Variants in ATP9B observed in about 807,000 individuals in gnomAD.
ATP9B encodes the protein probable phospholipid-transporting ATPase IIB.
Under a neutral mutation model 146.1 loss-of-function variants are expected in ATP9B, and 110 were observed. The ratio of observed to expected loss-of-function variants is 0.75; its 90% CI spans 0.65 to 0.88. The LOEUF (loss-of-function observed/expected upper bound fraction) is 0.88, where lower values mean the gene tolerates loss of function less well. Ranked by LOEUF, ATP9B falls within the 40% of genes least tolerant of loss-of-function variation. ATP9B has a pLI of 0.00. For missense variants in ATP9B, 1,499 were observed against 1,496.4 expected, an observed-to-expected ratio of 1.00 and a Z score of -0.03; for synonymous variants, 604 against 569.7, an observed-to-expected ratio of 1.06 and a Z score of -0.86.
intron 17 of ATP9B, among the ~76,000 whole-genome samples, chr18:79,333,318 A>G (rs1477853736): frequency 3.9e-5 from 6 of 152,302 alleles, no homozygotes; most frequent in Admixed American, 3.3e-4. Context: ...TCTCCACTGC[A>G]TGTCCACCCC....
chr18:79,207,077 G>A, intron 10 of ATP9B, 65 bp downstream of exon 10: 3 of 1,493,430 alleles, frequency 2.0e-6, no homozygotes, highest in Non-Finnish European at 2.8e-6. Flanking sequence ...TTTTGTCCAG[G>A]GACTCCAAAC....
chr18:79,311,429 CTGATA>C (rs1041167935), intron 15 of ATP9B, among the ~76,000 whole-genome samples: 8 of 152,134 alleles, frequency 5.3e-5, no homozygotes, highest in African/African-American at 1.9e-4. Flanking sequence ...TAAACATCCC[CTGATA>C]CGGTGACCTC....
intron 5 of ATP9B, among the ~76,000 whole-genome samples, chr18:79,132,181 A>T (rs1321747787): frequency 6.6e-6 from 1 of 152,218 alleles, no homozygotes; most frequent in Non-Finnish European, 1.5e-5. Flanking sequence ...TACTTCTGTG[A>T]TACTTGAACT....
intron 5 of ATP9B, among the ~76,000 whole-genome samples, chr18:79,131,864 T>C (rs2094383147): frequency 6.6e-6 from 1 of 152,192 alleles, no homozygotes; most frequent in African/African-American, 2.4e-5. Context: ...ATGAAAAAGG[T>C]CCCATATTGT....
chr18:79,201,480 C>T (rs1233804048), intron 9 of ATP9B, among the ~76,000 whole-genome samples: 1 of 152,326 alleles, frequency 6.6e-6, no homozygotes, highest in African/African-American at 2.4e-5. Context: ...GGCATGGTGG[C>T]TCATGCTTGT....
At chr18:79,256,718 A>C (rs776470518) in intron 12 of ATP9B, among the ~76,000 whole-genome samples, 2 of 151,932 alleles carry the variant, frequency 1.3e-5, no homozygotes, top group Non-Finnish European at 2.9e-5. Flanking sequence ...TCCCTCTCCC[A>C]TCCACTTACA....
chr18:79,204,744 C>T (rs2095519002), intron 9 of ATP9B, among the ~76,000 whole-genome samples: 1 of 152,146 alleles, frequency 6.6e-6, no homozygotes, highest in South Asian at 2.1e-4. Flanking sequence ...TTGTTTCCAT[C>T]CAGGCTGTGT....
intron 13 of ATP9B, among the ~76,000 whole-genome samples, chr18:79,287,454 C>T (rs1428054295): frequency 5.9e-5 from 9 of 152,096 alleles, no homozygotes; most frequent in Admixed American, 1.3e-4. Flanking sequence ...TCTGTGAGAT[C>T]GGTGGTGATA....
At chr18:79,262,510 T>G (rs1444843315) in intron 12 of ATP9B, among the ~76,000 whole-genome samples, 1 of 152,192 alleles carries the variant, frequency 6.6e-6, no homozygotes, top group Non-Finnish European at 1.5e-5. Flanking sequence ...TAATTTTGGC[T>G]AAAGAGCCCC....
At chr18:79,109,011 C>A (rs755625343) in intron 2 of ATP9B, among the ~76,000 whole-genome samples, 11 of 152,196 alleles carry the variant, frequency 7.2e-5, no homozygotes, top group Non-Finnish European at 1.6e-4. Context: ...TGGGAGACAG[C>A]AATTCTGAGA....
chr18:79,346,378 G>A (rs544694162), intron 23 of ATP9B, among the ~76,000 whole-genome samples: 1 of 149,796 alleles, frequency 6.7e-6, no homozygotes, highest in African/African-American at 2.5e-5. Flanking sequence ...AGCACACTTG[G>A]TACACTTGTT....
At chr18:79,372,673 G>GC (rs756079797) in intron 26 of ATP9B, 152 bp from the exon 27 acceptor site, 1 of 697,878 alleles carries the variant, frequency 1.4e-6, no homozygotes, top group South Asian at 1.5e-5. Context: ...AGGAAAAGGC[G>GC]CCCGAAATGC....
intron 6 of ATP9B, among the ~76,000 whole-genome samples, chr18:79,150,559 G>T (rs911691662): frequency 6.6e-6 from 1 of 152,120 alleles, no homozygotes; most frequent in Admixed American, 6.5e-5. Flanking sequence ...CTCTTGTGGT[G>T]CCCCTAGTTT....
chr18:79,272,667 C>T (rs192168353), intron 12 of ATP9B, among the ~76,000 whole-genome samples: 1 of 152,292 alleles, frequency 6.6e-6, no homozygotes, highest in East Asian at 1.9e-4. Context: ...TCTCCCTGAG[C>T]CCTCTCCACT....
intron 21 of ATP9B, 139 bp downstream of exon 21, chr18:79,344,493 T>TCTGAGGC (rs2096875536): frequency 2.5e-6 from 2 of 799,620 alleles, no homozygotes; most frequent in Non-Finnish European, 4.3e-6. Context: ...TGTCTGTGTC[T>TCTGAGGC]CTGAGGCAAG....
At chr18:79,106,245 GCTC>G (rs2075641777) in intron 2 of ATP9B, among the ~76,000 whole-genome samples, 1 of 152,188 alleles carries the variant, frequency 6.6e-6, no homozygotes, top group Non-Finnish European at 1.5e-5. Flanking sequence ...ATTGAGTAAA[GCTC>G]CTAGTTACTG....
chr18:79,258,215 C>A (rs1021610165), intron 12 of ATP9B, among the ~76,000 whole-genome samples: 1 of 152,068 alleles, frequency 6.6e-6, no homozygotes, highest in Non-Finnish European at 1.5e-5. Context: ...AGCTTGAGTC[C>A]AGGAGTTAGA....
chr18:79,196,510 T>A (rs1298986829), intron 9 of ATP9B, among the ~76,000 whole-genome samples: 1 of 152,120 alleles, frequency 6.6e-6, no homozygotes, highest in Non-Finnish European at 1.5e-5. Flanking sequence ...ACGTGGGTGT[T>A]AAGGCAGTCA....
intron 2 of ATP9B, among the ~76,000 whole-genome samples, chr18:79,104,133 C>G (rs1482916198): frequency 6.6e-6 from 1 of 152,092 alleles, no homozygotes; most frequent in African/African-American, 2.4e-5. Context: ...CGAAGAAGAC[C>G]CTGATTTGCT....
Sources: gnomAD v4.1 joint callset for allele counts (sites outside exome capture counted in the v4.1 genomes callset) on GRCh38, gnomAD v4.1.1 for gene constraint, MANE v1.5 for transcripts, NCBI Gene and HGNC (gene_info 2026-07-23, HGNC 2026-07-21) for gene names.